Variants in PLCXD1 observed in about 807,000 individuals in gnomAD.
PLCXD1 encodes phosphatidylinositol specific phospholipase C X domain containing 1.
PLCXD1 carries 45 observed loss-of-function variants against 37.8 expected under a neutral mutation model. That is an observed-to-expected ratio of 1.19 (90% CI 0.94 to 1.53). The LOEUF is 1.53. Among genes scored for constraint, PLCXD1 ranks in the 40% most tolerant of loss-of-function variants. The pLI, the probability that PLCXD1 is intolerant of heterozygous loss-of-function variation, is 0.00. For synonymous variants in PLCXD1, 246 were observed against 206.9 expected (o/e 1.19, Z -1.62); for missense variants, 539 against 454.7 (o/e 1.19, Z -1.69).
chrX:291,237 C>T (rs2069624658), intron 4 of PLCXD1, among the ~76,000 whole-genome samples: 2 of 151,856 alleles, frequency 1.3e-5, no homozygotes, highest in Admixed American at 1.3e-4. Flanking sequence ...CCTCTGCCTC[C>T]TGGGTTCAGG....
At chrX:290,560 T>C in intron 3 of PLCXD1, 88 bp from the exon 4 acceptor site, 1 of 1,438,508 alleles carries the variant, frequency 7.0e-7, no homozygotes, top group South Asian at 1.2e-5. Context: ...CAGCAGGACA[T>C]GCGGGTGGGC....
intron 1 of PLCXD1, chrX:283,454 C>T (rs1266020821): frequency 3.9e-5 from 6 of 152,180 alleles, no homozygotes; most frequent in African/African-American, 1.4e-4. Context: ...CGCGAAAAAC[C>T]TGGCCCGCCC....
At position 299,677 on chromosome X, in the gene PLCXD1, A is replaced by C. The variant is rs2069938969; in HGVS notation, c.*342A>C. The C allele has an allele frequency of 2.4e-6, 1 of 412,362 alleles. No individual in the cohort carries two copies. The highest frequency in any genetic ancestry group is 4.4e-6 in the Non-Finnish European group (1 of 225,968). The allele number at this position is 412,362 out of a possible 1,614,324, so 25.5% of individuals were successfully genotyped here. ...GAGGCTCAGGCAGGAGAACTGCTTGAAGCCGGGAGATGGAGGTTGCATTGA... is the reference window on the plus strand; with the variant it reads ...GAGGCTCAGGCAGGAGAACTGCTTGCAGCCGGGAGATGGAGGTTGCATTGA... On this transcript the variant is annotated 3_prime_UTR_variant, in exon 7 of 7. Transcript: ENST00000381657.
chrX:296,659 G>A (rs2069818076), intron 6 of PLCXD1, among the ~76,000 whole-genome samples: 1 of 152,170 alleles, frequency 6.6e-6, no homozygotes, highest in South Asian at 2.1e-4. Flanking sequence ...ACTGGTCAAC[G>A]TCAACCCTCT....
At chrX:286,111 C>G (rs1381699966) in intron 2 of PLCXD1, among the ~76,000 whole-genome samples, 1 of 151,734 alleles carries the variant, frequency 6.6e-6, no homozygotes, top group Non-Finnish European at 1.5e-5. Context: ...ATCGCCCAGG[C>G]TCGAGTGCAG....
chrX:300,598 ATATGTGTG>A lies in PLCXD1; in HGVS notation c.*1268_*1275del, dbSNP rs895649619. 2 of 133,954 alleles carry A rather than the reference ATATGTGTG, an allele frequency of 1.5e-5. No individual in the cohort carries two copies. Among genetic ancestry groups the A allele is most frequent in the African/African-American group, 2.7e-5 (1 of 37,330 alleles). 8.3% of individuals were successfully genotyped at this position (133,954 alleles called of 1,614,324 possible). A position where few individuals can be genotyped will look rare whatever the true frequency, so the allele number is the denominator to read the frequency against. On this transcript the variant is annotated 3_prime_UTR_variant, in exon 7 of 7. Transcript: ENST00000381657. ...TACATGTATATGTGTTTATACATGT[ATATGTGTG>A]TATGCGTGTATACGTGTATGTATAC...
rs779756546 is a variant in PLCXD1, at chrX:300,461, T to C, written c.*1126T>C. 9.2e-4 allele frequency: 113 copies of C among 123,434 alleles called. No individual in the cohort carries two copies. Among genetic ancestry groups the C allele is most frequent in the African/African-American group, 3.4e-3 (106 of 31,596 alleles). The allele number at this position is 123,434 out of a possible 1,614,324, so 7.6% of individuals were successfully genotyped here. On this transcript the variant is annotated 3_prime_UTR_variant, in exon 7 of 7. Coordinates refer to ENST00000381657, the MANE Select transcript of PLCXD1 (RefSeq NM_018390.4). ...ATGTATGTATGTTTATACATGTGTA[T>C]ATGTGTGTGTGTGTGTGTATATGTG...
intron 2 of PLCXD1, 49 bp from the exon 3 acceptor site, chrX:288,684 G>A (rs752615297): frequency 1.3e-5 from 21 of 1,606,930 alleles, no homozygotes; most frequent in Non-Finnish European, 1.7e-5. Flanking sequence ...ACAGCAGGTG[G>A]CGGGGACGGA....
intron 1 of PLCXD1, among the ~76,000 whole-genome samples, 173 bp downstream of exon 1, chrX:281,857 C>A (rs1405013145): frequency 1.3e-5 from 2 of 152,178 alleles, no homozygotes; most frequent in Non-Finnish European, 1.5e-5. Flanking sequence ...CTCCCGGGTT[C>A]AAGCCTCAGC....
chrX:289,537 G>T (rs2069562119), intron 3 of PLCXD1, among the ~76,000 whole-genome samples: 1 of 129,618 alleles, frequency 7.7e-6, no homozygotes, highest in African/African-American at 2.9e-5. Context: ...TTTTGAGACG[G>T]AGTCTCACTG....
chrX:277,916 G>A (rs1217726258), upstream of PLCXD1, among the ~76,000 whole-genome samples: 4 of 71,836 alleles, frequency 5.6e-5, no homozygotes, highest in African/African-American at 2.5e-4. Context: ...AGGGGACCTG[G>A]GATGTGAGGG....
chrX:289,158 G>C lies in PLCXD1; in HGVS notation c.264+289G>C, dbSNP rs189417126. On this transcript the variant is annotated intron_variant, in intron 3 of 6. Transcript: ENST00000381657. ...GCTGGAGTGCAGTGGCGTGATCTCGGCTCACTGCAACCTCCGCTGCCTGGG... is the reference window on the plus strand; with the variant it reads ...GCTGGAGTGCAGTGGCGTGATCTCGCCTCACTGCAACCTCCGCTGCCTGGG... 4.4e-4 allele frequency among the ~76,000 whole-genome samples: 67 copies of C among 152,218 alleles called. No individual in the cohort carries two copies. The East Asian group carries it at 0.013, about 29-fold the overall frequency.
chrX:283,507 CCACACGCCTGAGGGTAGTGGGGG>C (rs1385763579), intron 1 of PLCXD1: 1 of 151,830 alleles, frequency 6.6e-6, no homozygotes, highest in Admixed American at 6.6e-5. Flanking sequence ...CCATGATGTT[CCACACGCCTGAGGGTAGTGGGGG>C]CGGCCGTGGT....
upstream of PLCXD1, among the ~76,000 whole-genome samples, chrX:279,905 A>G (rs1312085932): frequency 4.6e-5 from 7 of 152,122 alleles, no homozygotes; most frequent in East Asian, 9.6e-4. Context: ...GCTGGAGTGC[A>G]ATGGCGCGAT....
chrX:287,434 T>C (rs777509521), intron 2 of PLCXD1, among the ~76,000 whole-genome samples: 148 of 140,400 alleles, frequency 1.1e-3, no homozygotes, highest in African/African-American at 3.8e-3. Flanking sequence ...TATATATAGA[T>C]ATATATACAC....
At chrX:284,004 C>T in intron 1 of PLCXD1, 163 bp from the exon 2 acceptor site, 5 of 606,684 alleles carry the variant, frequency 8.2e-6, no homozygotes, top group Admixed American at 2.9e-5. Context: ...GCCTCAGCCT[C>T]CCGAGTAGCT....
intron 1 of PLCXD1, among the ~76,000 whole-genome samples, chrX:282,530 C>T (rs952123107): frequency 2.7e-5 from 4 of 150,480 alleles, no homozygotes; most frequent in African/African-American, 9.8e-5. Context: ...GATAGTGAAA[C>T]CCCGTCTCTA....
At position 288,643 on chromosome X, in the gene PLCXD1, C is replaced by T. The variant is rs2069529874; in HGVS notation, c.128-90C>T. On this transcript the variant is annotated intron_variant, in intron 2 of 6. Transcript: ENST00000381657. Reference sequence around the variant, plus strand: ...TGCCTGTGCTGTGGGCGGGCAGCAGCCTGTGCTGTAGGCGGGCTGTGGAGC... The same window carrying T: ...TGCCTGTGCTGTGGGCGGGCAGCAGTCTGTGCTGTAGGCGGGCTGTGGAGC... The T allele has an allele frequency of 5.7e-6, 8 of 1,402,384 alleles. No individual in the cohort carries two copies. In the South Asian group the frequency reaches 9.3e-5, roughly 16 times the overall value. The allele number at this position is 1,402,384 out of a possible 1,614,324, so 86.9% of individuals were successfully genotyped here.
At chrX:298,581 G>A (rs374438077) in intron 6 of PLCXD1, among the ~76,000 whole-genome samples, 626 of 37,534 alleles carry the variant, frequency 0.017, 33 homozygotes, top group South Asian at 0.056. Flanking sequence ...CATCTTTGGG[G>A]CCATTATTCT....
Sources: allele counts gnomAD v4.1 joint callset (sites outside exome capture counted in the v4.1 genomes callset), GRCh38; gene constraint gnomAD v4.1.1; transcripts MANE v1.5; gene names NCBI Gene and HGNC (gene_info 2026-07-23, HGNC 2026-07-21).